The following DOP1B variants were observed in gnomAD, a reference collection of about 807,000 sequenced individuals.
DOP1B encodes the protein protein DOP1B.
In DOP1B, 174 loss-of-function variants were observed where a neutral mutation model predicts 233.5. That is an observed-to-expected ratio of 0.75 (90% confidence interval 0.66 to 0.85). The LOEUF is 0.85. DOP1B is among the 40% of genes least tolerant of loss of function. The pLI, the probability that DOP1B is intolerant of heterozygous loss-of-function variation, is 0.00. For synonymous variants in DOP1B, 1,190 were observed against 1,185.6 expected (o/e 1.00, Z -0.08); for missense variants, 2,652 against 2,846.6 (o/e 0.93, Z 1.56).
intron 2 of DOP1B, among the ~76,000 whole-genome samples, chr21:36,181,897 G>C (rs1281990177): frequency 6.6e-6 from 1 of 152,192 alleles, no homozygotes; most frequent in Non-Finnish European, 1.5e-5. Context: ...TCTGTTTCTT[G>C]TGTCATAAAG....
chr21:36,246,438 G>A lies in DOP1B; in HGVS notation c.4458G>A (p.Gln1486=), dbSNP rs1341928473. Residue 1486 remains glutamine (Q), a synonymous_variant, in exon 19 of 37, where the codon CAG becomes CAA. Transcript: ENST00000691173. This position sits in a 1 kb window ranked among gnomAD's most constrained non-coding sequence, Gnocchi z 5.1. ...LNFQQAISAL[Q]YVQPHPLTSQ... is the part of the protein sequence containing the mutation. ...TCCAGCAGGCCATCAGCGCCCTGCAGTACGTGCAGCCCCACCCCCTCACCT... is the reference window on the plus strand; with the variant it reads ...TCCAGCAGGCCATCAGCGCCCTGCAATACGTGCAGCCCCACCCCCTCACCT... The A allele has an allele frequency of 1.2e-6, 2 of 1,613,702 alleles. No individual in the cohort carries two copies. The highest frequency in any genetic ancestry group is 1.7e-6 in the Non-Finnish European group (2 of 1,179,896).
At chr21:36,250,099 G>A (rs563737254) in intron 21 of DOP1B, among the ~76,000 whole-genome samples, 16 of 152,146 alleles carry the variant, frequency 1.1e-4, no homozygotes, top group African/African-American at 3.6e-4. Flanking sequence ...GATAAAGGCC[G>A]ATGCTCATTA....
chr21:36,237,266 T>G lies in DOP1B; in HGVS notation c.2627T>G (p.Val876Gly). 1.9e-6 allele frequency: 3 copies of G among 1,614,122 alleles called. No individual in the cohort carries two copies. Among genetic ancestry groups the G allele is most frequent in the Non-Finnish European group, 2.5e-6 (3 of 1,180,030 alleles). Residue 876 changes from valine to glycine, a missense_variant, in exon 16 of 37, where the codon GTG (valine) becomes GGG (glycine). Coordinates refer to ENST00000691173, the MANE Select transcript of DOP1B (RefSeq NM_001320714.2). The part of the protein sequence containing the change: ...IAEKTDFYQR[V>G]ARVLWNQLNK... ...CCTGCCTTTTCCTTGTCCCAGAGGG[T>G]GGCTCGTGTGCTTTGGAATCAGCTG...
chr21:36,287,977 A>G (rs780056621), intron 32 of DOP1B, 37 bp from the exon 33 acceptor site: 20 of 1,602,024 alleles, frequency 1.2e-5, no homozygotes, highest in Non-Finnish European at 1.6e-5. Context: ...CCTAAACTGC[A>G]TATTTGTGTA....
At chr21:36,283,232 C>G (rs534136238) in intron 32 of DOP1B, among the ~76,000 whole-genome samples, 1 of 152,066 alleles carries the variant, frequency 6.6e-6, no homozygotes, top group East Asian at 2.0e-4. Flanking sequence ...AGGCACCCAC[C>G]ACCATGTCCG....
chr21:36,255,452 C>CTT (rs539544460), intron 23 of DOP1B, among the ~76,000 whole-genome samples: 1 of 136,976 alleles, frequency 7.3e-6, no homozygotes, highest in African/African-American at 2.7e-5. Flanking sequence ...TTTTTTAAAA[C>CTT]TTTTTTTTTT....
intron 31 of DOP1B, among the ~76,000 whole-genome samples, chr21:36,281,233 C>G (rs1246742373): frequency 6.6e-6 from 1 of 151,996 alleles, no homozygotes; most frequent in Non-Finnish European, 1.5e-5. Flanking sequence ...GAGGTCGAGG[C>G]CGCAGTGAGC....
chr21:36,257,231 G>A (rs1372795882), intron 23 of DOP1B, among the ~76,000 whole-genome samples: 1 of 152,220 alleles, frequency 6.6e-6, no homozygotes. Flanking sequence ...GAACCTTCAT[G>A]TGCTCTGCTC....
intron 10 of DOP1B, among the ~76,000 whole-genome samples, chr21:36,220,707 G>T (rs1328771940): frequency 1.4e-5 from 2 of 138,020 alleles, no homozygotes; most frequent in Non-Finnish European, 3.0e-5. Context: ...GTTTCACCAT[G>T]TTGCTCAGGC....
At chr21:36,189,560 C>T (rs561703461) in intron 2 of DOP1B, among the ~76,000 whole-genome samples, 3 of 151,762 alleles carry the variant, frequency 2.0e-5, no homozygotes, top group South Asian at 2.1e-4. Context: ...GGTGAAACCC[C>T]GTAGCTGGGC....
chr21:36,209,152 C>T (rs1044900328), intron 5 of DOP1B, among the ~76,000 whole-genome samples: 6 of 152,190 alleles, frequency 3.9e-5, no homozygotes, highest in African/African-American at 1.2e-4. Context: ...GACGGAGTCT[C>T]GCTCTGTCGC....
chr21:36,285,385 C>A (rs147559372), intron 32 of DOP1B, among the ~76,000 whole-genome samples: 20 of 152,096 alleles, frequency 1.3e-4, no homozygotes, highest in Admixed American at 7.2e-4. Context: ...TAAATAAATA[C>A]GCTTCGTTTT....
At chr21:36,251,415 T>G in intron 22 of DOP1B, 131 bp downstream of exon 22, 1 of 1,306,374 alleles carries the variant, frequency 7.7e-7, no homozygotes, top group South Asian at 1.7e-5. Flanking sequence ...CATTTTATCT[T>G]ATTTTATTTC....
At chr21:36,196,868 A>G (rs1175586095) in intron 2 of DOP1B, among the ~76,000 whole-genome samples, 1 of 152,106 alleles carries the variant, frequency 6.6e-6, no homozygotes, top group Non-Finnish European at 1.5e-5. Context: ...GCATGGAACC[A>G]TGATCGCACA....
intron 16 of DOP1B, among the ~76,000 whole-genome samples, chr21:36,237,873 A>G (rs557336342): frequency 6.6e-6 from 1 of 152,284 alleles, no homozygotes; most frequent in East Asian, 1.9e-4. Flanking sequence ...ACCAAAAATA[A>G]ATAAATAAAT....
intron 2 of DOP1B, among the ~76,000 whole-genome samples, chr21:36,172,674 T>A (rs1026949016): frequency 3.9e-5 from 6 of 152,074 alleles, no homozygotes; most frequent in Admixed American, 2.0e-4. Flanking sequence ...GGTGGGAGGA[T>A]CCCTGGAGCC....
chr21:36,253,716 C>T, intron 22 of DOP1B, 56 bp from the exon 23 acceptor site: 5 of 1,576,464 alleles, frequency 3.2e-6, no homozygotes, highest in Non-Finnish European at 4.3e-6. Context: ...GATGTGTCAT[C>T]CTTATTTTTA....
At chr21:36,222,934 C>T (rs2066643236) in intron 10 of DOP1B, among the ~76,000 whole-genome samples, 1 of 152,008 alleles carries the variant, frequency 6.6e-6, no homozygotes, top group Admixed American at 6.6e-5. Context: ...AGGGTTTCAC[C>T]ATGTTGGTCA....
chr21:36,257,578 G>C (rs1010393983), intron 23 of DOP1B, among the ~76,000 whole-genome samples: 3 of 151,732 alleles, frequency 2.0e-5, no homozygotes, highest in African/African-American at 4.8e-5. Flanking sequence ...TAAAAACATA[G>C]GTTGATACGT....
Sources: gnomAD v4.1 joint callset for allele counts (sites outside exome capture counted in the v4.1 genomes callset) on GRCh38, gnomAD v4.1.1 for gene constraint, Gnocchi (gnomAD v3.1) non-coding constraint, MANE v1.5 for transcripts, NCBI Gene and HGNC (gene_info 2026-07-23, HGNC 2026-07-21) for gene names.